The following ANKS1B variants were observed in gnomAD, a reference collection of about 807,000 sequenced individuals.
ANKS1B encodes ankyrin repeat and sterile alpha motif domain containing 1B.
Under a neutral mutation model 148.3 loss-of-function variants are expected in ANKS1B, and 36 were observed. The observed-to-expected ratio is 0.24, with a 90% confidence interval of 0.19 to 0.32. ANKS1B has a LOEUF of 0.32. Ranked by LOEUF, ANKS1B falls within the 10% of genes least tolerant of loss-of-function variation. The probability of loss-of-function intolerance (pLI) is 1.00; values close to 1 mark genes in which losing one functional copy is unlikely to be tolerated. For synonymous variants in ANKS1B, 542 were observed against 560.8 expected, an observed-to-expected ratio of 0.97 and a Z score of 0.47; for missense variants, 1,157 against 1,542.6, an observed-to-expected ratio of 0.75 and a Z score of 4.19.
intron 8 of ANKS1B, 138 bp from the exon 9 acceptor site, chr12:99,655,348 T>A (rs1308205767): frequency 4.4e-6 from 3 of 679,038 alleles, no homozygotes; most frequent in Admixed American, 3.1e-5. Flanking sequence ...TACATGGCTG[T>A]GCCCTGTGCC....
At chr12:99,469,501 C>G (rs1234586957) in intron 10 of ANKS1B, among the ~76,000 whole-genome samples, 1 of 151,954 alleles carries the variant, frequency 6.6e-6, no homozygotes, top group African/African-American at 2.4e-5. Flanking sequence ...TGATTTCTTT[C>G]AAGGCAGACA....
At chr12:98,918,966 G>A (rs1342323891) in intron 17 of ANKS1B, among the ~76,000 whole-genome samples, 1 of 152,094 alleles carries the variant, frequency 6.6e-6, no homozygotes, top group Non-Finnish European at 1.5e-5. Flanking sequence ...AATACTCACT[G>A]ACATATTTAG....
chr12:99,016,679 A>C (rs1001331066), intron 17 of ANKS1B, among the ~76,000 whole-genome samples: 17 of 152,302 alleles, frequency 1.1e-4, no homozygotes, highest in Admixed American at 7.8e-4. Flanking sequence ...AACAAACAAA[A>C]AAAACAAAAA....
At chr12:99,858,176 A>G (rs910017347) in intron 1 of ANKS1B, among the ~76,000 whole-genome samples, 1 of 152,222 alleles carries the variant, frequency 6.6e-6, no homozygotes, top group African/African-American at 2.4e-5. Flanking sequence ...AAGGAACTCA[A>G]GCAAATCAGC....
chr12:99,815,279 T>G (rs2068957087), intron 2 of ANKS1B, among the ~76,000 whole-genome samples: 1 of 151,758 alleles, frequency 6.6e-6, no homozygotes, highest in Non-Finnish European at 1.5e-5. Flanking sequence ...AAACGTCTAT[T>G]TTGAAAACTG....
At chr12:99,391,440 T>C (rs1242082529) in intron 12 of ANKS1B, among the ~76,000 whole-genome samples, 1 of 152,228 alleles carries the variant, frequency 6.6e-6, no homozygotes, top group African/African-American at 2.4e-5. Context: ...TTTTTAAATA[T>C]GCTATTCCTT....
intron 15 of ANKS1B, among the ~76,000 whole-genome samples, chr12:99,123,298 G>A (rs779044349): frequency 6.6e-6 from 1 of 152,080 alleles, no homozygotes; most frequent in Non-Finnish European, 1.5e-5. Flanking sequence ...TCGATGAATT[G>A]AATAAGAAAA....
Position 98,794,475 on chromosome 12 carries a change from G to A in ANKS1B, c.3342+4459C>T, listed in dbSNP as rs966681958. The stretch of plus-strand genomic sequence containing the variant: ...GGCGTTTGGTCGATGGGGACCCATG[G>A]GGGTTCAACATGTGTATCAAGAAGT... On this transcript the variant is annotated intron_variant, in intron 22 of 26. Transcript: ENST00000683438. The A allele has an allele frequency of 4.1e-4, 183 of 447,200 alleles. 1 individual carries two copies. The highest frequency in any genetic ancestry group is 9.4e-5 in the Non-Finnish European group (23 of 243,774). 27.7% of individuals were successfully genotyped at this position (447,200 alleles called of 1,614,324 possible).
At chr12:99,916,523 T>A (rs1354136371) in intron 1 of ANKS1B, among the ~76,000 whole-genome samples, 1 of 152,150 alleles carries the variant, frequency 6.6e-6, no homozygotes. Flanking sequence ...ATAATTGAGA[T>A]GGATATACTT....
At chr12:98,758,428 T>C (rs191819660) in intron 25 of ANKS1B, among the ~76,000 whole-genome samples, 235 of 152,298 alleles carry the variant, frequency 1.5e-3, no homozygotes, top group African/African-American at 4.6e-3. Context: ...TGTGAGCCAA[T>C]TGAGCTTCCA....
chr12:99,795,574 T>C (rs1430640077), intron 4 of ANKS1B, among the ~76,000 whole-genome samples: 1 of 152,016 alleles, frequency 6.6e-6, no homozygotes, highest in Admixed American at 6.6e-5. Flanking sequence ...GAATGGTTAA[T>C]ATGAGGCTAA....
chr12:99,511,445 C>T (rs957352206), intron 9 of ANKS1B, among the ~76,000 whole-genome samples: 3 of 151,986 alleles, frequency 2.0e-5, no homozygotes, highest in Non-Finnish European at 2.9e-5. Flanking sequence ...ACATTCCATG[C>T]TCACAGATAG....
intron 11 of ANKS1B, among the ~76,000 whole-genome samples, chr12:99,409,670 AAG>A (rs2094625690): frequency 2.0e-5 from 3 of 152,156 alleles, no homozygotes; most frequent in East Asian, 1.9e-4. Flanking sequence ...TAAAATAAAA[AAG>A]AGATATCTAT....
chr12:98,752,655 C>T (rs2098125119), intron 25 of ANKS1B, among the ~76,000 whole-genome samples: 1 of 152,154 alleles, frequency 6.6e-6, no homozygotes, highest in Non-Finnish European at 1.5e-5. Context: ...TTACAGATCC[C>T]CAGTTAGCCC....
intron 1 of ANKS1B, among the ~76,000 whole-genome samples, chr12:99,978,931 T>G (rs1566129112): frequency 6.6e-6 from 1 of 152,166 alleles, no homozygotes; most frequent in Non-Finnish European, 1.5e-5. Flanking sequence ...TCAAATAAAT[T>G]GAGGCATTAA....
At chr12:99,655,254 A>G (rs2098444413) in intron 8 of ANKS1B, 44 bp from the exon 9 acceptor site, 14 of 1,457,044 alleles carry the variant, frequency 9.6e-6, no homozygotes, top group Non-Finnish European at 1.3e-5. Context: ...TATCAATGAT[A>G]TTTAGATATC....
At chr12:99,841,525 G>C (rs867794133) in intron 1 of ANKS1B, among the ~76,000 whole-genome samples, 1 of 151,850 alleles carries the variant, frequency 6.6e-6, no homozygotes, top group Admixed American at 6.6e-5. Flanking sequence ...TGAAGAGTTT[G>C]GGGCCTTTTT....
At chr12:99,909,308 A>AG (rs1359493025) in intron 1 of ANKS1B, among the ~76,000 whole-genome samples, 2 of 148,292 alleles carry the variant, frequency 1.3e-5, no homozygotes, top group Non-Finnish European at 3.0e-5. Flanking sequence ...ACAAATGCCT[A>AG]GGTTGTTTCC....
At chr12:99,805,502 C>T (rs544539247) in intron 4 of ANKS1B, among the ~76,000 whole-genome samples, 44 of 151,922 alleles carry the variant, frequency 2.9e-4, no homozygotes, top group South Asian at 1.9e-3. Context: ...TGTGTACCTG[C>T]GGTCCCACCA....
Sources: gnomAD v4.1 joint callset for allele counts (sites outside exome capture counted in the v4.1 genomes callset) on GRCh38, gnomAD v4.1.1 for gene constraint, MANE v1.5 for transcripts, NCBI Gene and HGNC (gene_info 2026-07-23, HGNC 2026-07-21) for gene names.